Variants in LRRC8D observed in about 807,000 individuals in gnomAD.
LRRC8D encodes volume-regulated anion channel subunit LRRC8D.
In LRRC8D, 20 loss-of-function variants were observed where a neutral mutation model predicts 55.8. The observed-to-expected ratio is 0.36, with a 90% CI of 0.25 to 0.52. The LOEUF is 0.52. LRRC8D is among the 20% of genes least tolerant of loss of function. The pLI, the probability that LRRC8D is intolerant of heterozygous loss-of-function variation, is 0.93. For synonymous variants in LRRC8D, 352 were observed against 377.0 expected (o/e 0.93, Z 0.77); for missense variants, 651 against 1,030.8 (o/e 0.63, Z 5.05).
chr1:89,883,893 A>G (rs1160731835), intron 2 of LRRC8D, among the ~76,000 whole-genome samples: 2 of 152,194 alleles, frequency 1.3e-5, no homozygotes, highest in Admixed American at 6.5e-5. Context: ...GGACTTTAGA[A>G]AAGCTGGGTG....
chr1:89,907,910 G>A (rs1171261123), intron 2 of LRRC8D, among the ~76,000 whole-genome samples: 1 of 152,186 alleles, frequency 6.6e-6, no homozygotes, highest in South Asian at 2.1e-4. Context: ...ATGTTGCCTG[G>A]AGAGGTTAAG....
intron 2 of LRRC8D, among the ~76,000 whole-genome samples, chr1:89,924,503 T>C (rs367912416): frequency 6.6e-6 from 1 of 152,202 alleles, no homozygotes; most frequent in East Asian, 1.9e-4. Context: ...TGGAAAGCAG[T>C]GTGTAGACTT....
At chr1:89,917,297 A>G (rs913742306) in intron 2 of LRRC8D, among the ~76,000 whole-genome samples, 2 of 152,176 alleles carry the variant, frequency 1.3e-5, no homozygotes, top group Non-Finnish European at 2.9e-5. Flanking sequence ...GAGTCATGCA[A>G]TAGCTGCTTT....
At chr1:89,824,702 A>G (rs1279978700) in intron 1 of LRRC8D, among the ~76,000 whole-genome samples, 2 of 152,096 alleles carry the variant, frequency 1.3e-5, no homozygotes, top group African/African-American at 4.8e-5. Flanking sequence ...GCTAATGCAA[A>G]CTAGTCCCAA....
In LRRC8D at chr1:89,934,493, T is replaced by G; in HGVS notation, c.1425T>G (p.His475Gln). Residue 475 changes from histidine to glutamine, a missense_variant, in exon 3 of 3, where the codon CAT (histidine) becomes CAG (glutamine). His to Gln is a conservative substitution (Grantham distance 24). Around this residue, in one of 5 missense-constraint regions of LRRC8D, gnomAD observed 338 missense variants for 479.4 expected, o/e 0.71. Transcript: ENST00000337338. The surrounding 1 kb of genome is among the most constrained non-coding windows in gnomAD (Gnocchi z 5.9). The stretch of plus-strand genomic sequence containing the variant: ...ACGCCCAGGACAAGCAGGAGTTGCA[T>G]CTGTTCATGCTGTCGGGGGTGCCCG... ...SRNAQDKQEL[H>Q]LFMLSGVPDA... 1 of 1,614,228 alleles carries G rather than the reference T, an allele frequency of 6.2e-7. No individual in the cohort carries two copies. Among genetic ancestry groups the G allele is most frequent in the Non-Finnish European group, 8.5e-7 (1 of 1,180,042 alleles).
intron 2 of LRRC8D, among the ~76,000 whole-genome samples, chr1:89,926,124 A>G (rs1176159196): frequency 2.0e-5 from 3 of 152,194 alleles, no homozygotes; most frequent in Non-Finnish European, 4.4e-5. Flanking sequence ...CTCAGCTCAA[A>G]ACCACACCTC....
At chr1:89,901,706 TA>T (rs1662856494) in intron 2 of LRRC8D, among the ~76,000 whole-genome samples, 3 of 152,320 alleles carry the variant, frequency 2.0e-5, no homozygotes, top group South Asian at 4.1e-4. Context: ...ATATTTTTTT[TA>T]AAAAATAATT....
chr1:89,864,536 T>C (rs555020151), intron 2 of LRRC8D, among the ~76,000 whole-genome samples: 1 of 152,246 alleles, frequency 6.6e-6, no homozygotes, highest in African/African-American at 2.4e-5. Flanking sequence ...CTCTTAACTG[T>C]GCTGTGGGCT....
intron 2 of LRRC8D, among the ~76,000 whole-genome samples, chr1:89,862,197 G>A (rs1035277661): frequency 6.6e-6 from 1 of 152,186 alleles, no homozygotes; most frequent in African/African-American, 2.4e-5. Flanking sequence ...TCAGAAGAGT[G>A]AAGTGACTTT....
chr1:89,859,112 G>A (rs1262324121), intron 2 of LRRC8D, among the ~76,000 whole-genome samples: 1 of 152,098 alleles, frequency 6.6e-6, no homozygotes, highest in Non-Finnish European at 1.5e-5. Context: ...AAGTAGAGGG[G>A]TCAGAAATCA....
At chr1:89,824,872 T>G (rs1660727133) in intron 1 of LRRC8D, among the ~76,000 whole-genome samples, 1 of 152,210 alleles carries the variant, frequency 6.6e-6, no homozygotes, top group Admixed American at 6.5e-5. Flanking sequence ...AGCATAAATG[T>G]CTACTTACTG....
At chr1:89,821,946 G>A (rs1660644691) in intron 1 of LRRC8D, 1 of 152,230 alleles carries the variant, frequency 6.6e-6, no homozygotes, top group South Asian at 2.1e-4. Flanking sequence ...CTTGTTTGGA[G>A]GCGTGGGCTC....
Position 89,861,710 on chromosome 1 carries a change from A to G in LRRC8D, c.-3+17928A>G, listed in dbSNP as rs140386965. On this transcript the variant is annotated intron_variant, in intron 2 of 2. Transcript: ENST00000337338. ...CTTTAGCTTTCCTGTGTTGTGTACT[A>G]TAACAAGTTCTGCTCCATGAAAGCA... Among the ~76,000 whole-genome samples, 53 of 152,354 alleles carry G rather than the reference A, an allele frequency of 3.5e-4. 1 individual carries two copies. In the East Asian group the frequency reaches 9.6e-3, roughly 28 times the overall value.
intron 2 of LRRC8D, among the ~76,000 whole-genome samples, chr1:89,845,094 C>CT (rs1661240952): frequency 6.6e-6 from 1 of 152,190 alleles, no homozygotes; most frequent in South Asian, 2.1e-4. Context: ...GCCAAGCCAT[C>CT]TAAGGAGTCA....
intron 2 of LRRC8D, among the ~76,000 whole-genome samples, chr1:89,903,836 A>G (rs1261326170): frequency 6.6e-6 from 1 of 152,314 alleles, no homozygotes; most frequent in East Asian, 1.9e-4. Flanking sequence ...GAGCCCAGAA[A>G]CTTTATAGCT....
intron 1 of LRRC8D, among the ~76,000 whole-genome samples, chr1:89,830,903 CTTTT>C (rs1178734654): frequency 2.6e-4 from 35 of 135,798 alleles, no homozygotes; most frequent in Non-Finnish European, 2.2e-4. Context: ...GCACAATACA[CTTTT>C]TTTTTTTTTT....
chr1:89,852,557 G>C (rs760978436), intron 2 of LRRC8D, among the ~76,000 whole-genome samples: 1 of 152,172 alleles, frequency 6.6e-6, no homozygotes, highest in Non-Finnish European at 1.5e-5. Flanking sequence ...AACCTCTGAA[G>C]ATAGACTCAT....
intron 2 of LRRC8D, among the ~76,000 whole-genome samples, chr1:89,854,650 AGAAC>A (rs1661505957): frequency 6.6e-6 from 1 of 152,188 alleles, no homozygotes; most frequent in Non-Finnish European, 1.5e-5. Flanking sequence ...TGTAGCTCTC[AGAAC>A]TTCTGTGAGA....
At chr1:89,836,923 G>A (rs1260647083) in intron 1 of LRRC8D, among the ~76,000 whole-genome samples, 1 of 152,142 alleles carries the variant, frequency 6.6e-6, no homozygotes, top group Non-Finnish European at 1.5e-5. Context: ...TTTTGAATAC[G>A]GATTGAATTC....
Sources: gnomAD v4.1 joint callset for allele counts (sites outside exome capture counted in the v4.1 genomes callset) on GRCh38, gnomAD v4.1.1 for gene constraint, gnomAD v4.1.1 regional missense constraint, Gnocchi (gnomAD v3.1) non-coding constraint, MANE v1.5 for transcripts, NCBI Gene and HGNC (gene_info 2026-07-23, HGNC 2026-07-21) for gene names.